MIS18A: variants seen among roughly 807,000 people sequenced by gnomAD.
MIS18A encodes protein Mis18-alpha.
In MIS18A, 14 loss-of-function variants were observed where a neutral mutation model predicts 25.0. The ratio of observed to expected loss-of-function variants is 0.56; its 90% CI spans 0.37 to 0.88. The LOEUF is 0.88. MIS18A is among the 40% of genes least tolerant of loss of function. The pLI is 0.00. For missense variants in MIS18A, 292 were observed against 290.8 expected (o/e 1.00, Z -0.03); for synonymous variants, 134 against 118.6 (o/e 1.13, Z -0.84).
At chr21:32,174,717 G>A in the MIS18A span, among the ~76,000 whole-genome samples, 3 of 152,108 alleles carry the variant, frequency 2.0e-5, no homozygotes, top group African/African-American at 7.2e-5. Context: ...AATAAGACAA[G>A]CAGAAAAATG....
At chr21:32,187,169 G>T in the MIS18A span, among the ~76,000 whole-genome samples, 2 of 152,170 alleles carry the variant, frequency 1.3e-5, no homozygotes, top group African/African-American at 4.8e-5. Context: ...CGCCAACGAT[G>T]ACACTCTGTA....
chr21:32,197,138 A>G, the MIS18A span, among the ~76,000 whole-genome samples: 1 of 152,264 alleles, frequency 6.6e-6, no homozygotes, highest in East Asian at 1.9e-4. Context: ...AACTGAGTAT[A>G]ACCTACCAAG....
the MIS18A span, among the ~76,000 whole-genome samples, chr21:32,180,711 A>G: frequency 3.9e-5 from 6 of 152,312 alleles, no homozygotes; most frequent in East Asian, 1.2e-3. Flanking sequence ...CTGGTCCTCC[A>G]TATCCTTGCC....
At chr21:32,162,741 A>C in the MIS18A span, among the ~76,000 whole-genome samples, 2 of 152,200 alleles carry the variant, frequency 1.3e-5, no homozygotes, top group African/African-American at 4.8e-5. Context: ...ATGAACAAAT[A>C]AATGAGTAAA....
chr21:32,213,791 G>A, the MIS18A span, among the ~76,000 whole-genome samples: 13 of 152,170 alleles, frequency 8.5e-5, no homozygotes, highest in Non-Finnish European at 1.3e-4. Flanking sequence ...TATGGGACAA[G>A]AGGCTCCTTG....
At chr21:32,226,864 T>C in the MIS18A span, among the ~76,000 whole-genome samples, 1 of 152,108 alleles carries the variant, frequency 6.6e-6, no homozygotes, top group South Asian at 2.1e-4. Context: ...TAAATTTAAA[T>C]TGATTAAAAA....
chr21:32,270,677 T>C (rs1324855843), intron 2 of MIS18A, 148 bp from the exon 3 acceptor site: 13 of 752,832 alleles, frequency 1.7e-5, no homozygotes, highest in Non-Finnish European at 2.2e-5. Context: ...GAAAAAATGA[T>C]AGTAAGATAT....
At chr21:32,247,264 T>C in the MIS18A span, among the ~76,000 whole-genome samples, 1 of 152,144 alleles carries the variant, frequency 6.6e-6, no homozygotes, top group African/African-American at 2.4e-5. Flanking sequence ...GATCCCAAAC[T>C]CTGGAGTCTC....
At chr21:32,177,792 TAAAG>T in the MIS18A span, among the ~76,000 whole-genome samples, 3 of 152,104 alleles carry the variant, frequency 2.0e-5, no homozygotes, top group Non-Finnish European at 4.4e-5. Flanking sequence ...TATTAGTAAG[TAAAG>T]AGAGAGATGA....
intron 1 of MIS18A, among the ~76,000 whole-genome samples, chr21:32,275,334 T>A (rs1391788912): frequency 1.3e-5 from 2 of 152,208 alleles, no homozygotes; most frequent in African/African-American, 4.8e-5. Context: ...CACAGTAAAC[T>A]TGGAACAAGT....
the MIS18A span, among the ~76,000 whole-genome samples, chr21:32,214,451 A>G: frequency 7.2e-6 from 1 of 137,994 alleles, no homozygotes; most frequent in Non-Finnish European, 1.6e-5. Context: ...CGCTTTCCAA[A>G]CTTTTATACA....
the MIS18A span, among the ~76,000 whole-genome samples, chr21:32,251,758 T>C: frequency 6.6e-6 from 1 of 152,360 alleles, no homozygotes; most frequent in Admixed American, 6.5e-5. Context: ...AACTAATGTC[T>C]TTTGCCAGGC....
At chr21:32,191,937 A>G in the MIS18A span, among the ~76,000 whole-genome samples, 1 of 152,036 alleles carries the variant, frequency 6.6e-6, no homozygotes, top group East Asian at 1.9e-4. Flanking sequence ...GAAAGAAGAA[A>G]GAAAAAGAAA....
chr21:32,208,904 G>A, the MIS18A span, among the ~76,000 whole-genome samples: 1 of 152,198 alleles, frequency 6.6e-6, no homozygotes, highest in African/African-American at 2.4e-5. Flanking sequence ...CCTCCCAAAG[G>A]AGAAGACTGC....
the MIS18A span, among the ~76,000 whole-genome samples, chr21:32,238,348 G>A: frequency 2.3e-4 from 35 of 152,264 alleles, 1 homozygote; most frequent in South Asian, 6.8e-3. Flanking sequence ...CATACTACAA[G>A]TCCAAGAAGT....
chr21:32,241,133 T>C, the MIS18A span, among the ~76,000 whole-genome samples: 1 of 152,230 alleles, frequency 6.6e-6, no homozygotes, highest in Non-Finnish European at 1.5e-5. Flanking sequence ...TGTATATTTT[T>C]TCAGAGTCAA....
chr21:32,157,282 G>T, the MIS18A span, among the ~76,000 whole-genome samples: 1 of 114,000 alleles, frequency 8.8e-6, no homozygotes, highest in African/African-American at 3.6e-5. Context: ...CTTGGCCCAG[G>T]CTGATCTTGA....
the MIS18A span, among the ~76,000 whole-genome samples, chr21:32,188,865 G>A: frequency 6.6e-6 from 1 of 152,210 alleles, no homozygotes; most frequent in South Asian, 2.1e-4. Context: ...GTTGACAGAT[G>A]TGCAAAAACA....
downstream of MIS18A, among the ~76,000 whole-genome samples, chr21:32,265,586 C>T (rs1337249609): frequency 6.6e-6 from 1 of 152,240 alleles, no homozygotes. Context: ...GGCTCAGGAC[C>T]TGCAGCCCGC....
Sources: allele counts gnomAD v4.1 joint callset (sites outside exome capture counted in the v4.1 genomes callset), GRCh38; gene constraint gnomAD v4.1.1; transcripts MANE v1.5; gene names NCBI Gene and HGNC (gene_info 2026-07-23, HGNC 2026-07-21).